PLD5: variants seen among roughly 807,000 people sequenced by gnomAD.
PLD5 encodes phospholipase D family member 5.
A neutral mutation model predicts 61.1 loss-of-function variants in PLD5; 36 were observed. The observed-to-expected ratio is 0.59, with a 90% CI of 0.45 to 0.78. The LOEUF is 0.78. Ranked by LOEUF, PLD5 falls within the 30% of genes least tolerant of loss-of-function variation. The pLI is 0.00. For synonymous variants in PLD5, 243 were observed against 242.8 expected, an observed-to-expected ratio of 1.00 and a Z score of -0.01; for missense variants, 515 against 644.4, an observed-to-expected ratio of 0.80 and a Z score of 2.17.
intron 5 of PLD5, among the ~76,000 whole-genome samples, chr1:242,160,240 C>G (rs1313142545): frequency 6.6e-6 from 1 of 152,138 alleles, no homozygotes; most frequent in African/African-American, 2.4e-5. Flanking sequence ...AGGCTGGTCT[C>G]AAACTCCTGG....
intron 1 of PLD5, among the ~76,000 whole-genome samples, chr1:242,351,832 G>A (rs1167668697): frequency 6.6e-6 from 1 of 152,128 alleles, no homozygotes; most frequent in Non-Finnish European, 1.5e-5. Flanking sequence ...GGTGCTACAG[G>A]CAAATTCATG....
intron 1 of PLD5, among the ~76,000 whole-genome samples, chr1:242,521,809 T>C (rs1197081853): frequency 6.6e-6 from 1 of 152,176 alleles, no homozygotes; most frequent in African/African-American, 2.4e-5. Flanking sequence ...AAGTCAACAT[T>C]AGATTTTCAT....
Position 242,084,761 on chromosome 1 carries a change from T to G in PLD5, c.*5093A>C, listed in dbSNP as rs959702409. On this transcript the variant is annotated 3_prime_UTR_variant, in exon 10 of 10. Transcript: ENST00000536534. ...CATTTATTGGAAAGGTTTTTTTTTTTTTTTTTTTTTTTTTTTTAGAGAAAG... is the reference window on the plus strand; with the variant it reads ...CATTTATTGGAAAGGTTTTTTTTTTGTTTTTTTTTTTTTTTTTAGAGAAAG... 2.0e-4 allele frequency: 30 copies of G among 146,382 alleles called. No individual in the cohort carries two copies. Among genetic ancestry groups the G allele is most frequent in the East Asian group, 6.0e-4 (3 of 5,000 alleles). The allele number at this position is 146,382 out of a possible 1,614,324, so 9.1% of individuals were successfully genotyped here.
chr1:242,395,148 A>G (rs1379410122), intron 1 of PLD5, among the ~76,000 whole-genome samples: 1 of 148,524 alleles, frequency 6.7e-6, no homozygotes, highest in African/African-American at 2.5e-5. Context: ...TTTTAAATAG[A>G]GCTATTCCTA....
chr1:242,163,127 C>CT (rs760728142), intron 5 of PLD5, among the ~76,000 whole-genome samples: 44 of 116,406 alleles, frequency 3.8e-4, no homozygotes, highest in South Asian at 2.5e-3. Flanking sequence ...TCCCTCAAGT[C>CT]TTTTATTTTC....
At chr1:242,401,639 A>G (rs1463303484) in intron 1 of PLD5, among the ~76,000 whole-genome samples, 1 of 152,076 alleles carries the variant, frequency 6.6e-6, no homozygotes, top group Non-Finnish European at 1.5e-5. Context: ...CTTTTCTTCT[A>G]TCTGGAGTTC....
At chr1:242,449,326 G>T (rs1419528952) in intron 1 of PLD5, 5 of 1,535,924 alleles carry the variant, frequency 3.3e-6, no homozygotes, top group Non-Finnish European at 4.4e-6. Context: ...AACACACTAG[G>T]TCTGTAGAAA....
intron 7 of PLD5, among the ~76,000 whole-genome samples, chr1:242,109,321 T>TA (rs1661301775): frequency 6.6e-6 from 1 of 152,020 alleles, no homozygotes; most frequent in Admixed American, 6.5e-5. Flanking sequence ...CTAATAAAAA[T>TA]ACAAAAATTA....
chr1:242,318,266 G>A (rs12141736), intron 2 of PLD5, among the ~76,000 whole-genome samples: 9,273 of 152,220 alleles, frequency 0.061, 330 homozygotes, highest in Middle Eastern at 0.099. Flanking sequence ...ACCAGAGGTG[G>A]GATGGCCTGC....
At chr1:242,373,998 G>C (rs534642171) in intron 1 of PLD5, among the ~76,000 whole-genome samples, 2 of 151,400 alleles carry the variant, frequency 1.3e-5, no homozygotes, top group African/African-American at 4.9e-5. Flanking sequence ...TCGGAACAAA[G>C]CACCACATTG....
intron 3 of PLD5, among the ~76,000 whole-genome samples, chr1:242,282,456 C>A (rs947083526): frequency 6.6e-6 from 1 of 152,112 alleles, no homozygotes; most frequent in Non-Finnish European, 1.5e-5. Context: ...GATCACCGAG[C>A]TCTTATGCTT....
chr1:242,246,276 G>A (rs955841379), intron 4 of PLD5, among the ~76,000 whole-genome samples: 9 of 152,046 alleles, frequency 5.9e-5, no homozygotes, highest in Non-Finnish European at 1.3e-4. Flanking sequence ...TAAGGCAGGA[G>A]GATCTGTTGA....
At position 242,202,835 on chromosome 1, in the gene PLD5, C is replaced by T. The variant is rs74150843; in HGVS notation, c.735+17153G>A. On this transcript the variant is annotated intron_variant, in intron 5 of 9. Coordinates refer to ENST00000536534, the MANE Select transcript of PLD5 (RefSeq NM_001372062.1). ...AATTAACCCGCAGTCAGGTGACACC[C>T]TATCCTGGCTCTTAATACAGGCCTC... Among the ~76,000 whole-genome samples the T allele has an allele frequency of 8.9e-3, 1,357 of 152,220 alleles. 24 individuals carry two copies. The highest frequency in any genetic ancestry group is 0.031 in the African/African-American group (1,301 of 41,518).
At chr1:242,497,659 G>A (rs1352617637) in intron 1 of PLD5, among the ~76,000 whole-genome samples, 1 of 152,200 alleles carries the variant, frequency 6.6e-6, no homozygotes, top group East Asian at 1.9e-4. Context: ...CACTGTTGCT[G>A]CAGAAATTAA....
chr1:242,265,660 G>A (rs1234938933), intron 3 of PLD5, among the ~76,000 whole-genome samples: 4 of 152,122 alleles, frequency 2.6e-5, no homozygotes, highest in Non-Finnish European at 2.9e-5. Context: ...TTTTTGGGGG[G>A]TATTGTGCAA....
At chr1:242,395,009 A>ATATATGAATATATATGTATATATGAATG in intron 1 of PLD5, among the ~76,000 whole-genome samples, 1 of 124,806 alleles carries the variant, frequency 8.0e-6, no homozygotes, top group African/African-American at 3.3e-5. Flanking sequence ...ATATATGAAT[A>ATATATGAATATATATGTATATATGAATG]TATATGAATA....
intron 4 of PLD5, among the ~76,000 whole-genome samples, chr1:242,228,232 A>C (rs145098596): frequency 6.6e-6 from 1 of 152,330 alleles, no homozygotes; most frequent in African/African-American, 2.4e-5. Context: ...GAATTGATAT[A>C]AACTAGATCT....
chr1:242,243,188 C>T (rs776886947), intron 4 of PLD5, among the ~76,000 whole-genome samples: 12 of 152,292 alleles, frequency 7.9e-5, no homozygotes, highest in Non-Finnish European at 1.3e-4. Context: ...CTGTGTCTTA[C>T]GCGAGCGTAA....
intron 1 of PLD5, among the ~76,000 whole-genome samples, chr1:242,434,244 T>A (rs1046666948): frequency 6.6e-6 from 1 of 152,150 alleles, no homozygotes; most frequent in Non-Finnish European, 1.5e-5. Context: ...GGATACCTCA[T>A]GAATGTTGGG....
Sources: gnomAD v4.1 joint callset for allele counts (sites outside exome capture counted in the v4.1 genomes callset) on GRCh38, gnomAD v4.1.1 for gene constraint, MANE v1.5 for transcripts, NCBI Gene and HGNC (gene_info 2026-07-23, HGNC 2026-07-21) for gene names.